CDH12: variants seen among roughly 807,000 people sequenced by gnomAD.
CDH12 encodes the protein cadherin-12.
Under a neutral mutation model 74.1 loss-of-function variants are expected in CDH12, and 41 were observed. The ratio of observed to expected loss-of-function variants is 0.55; its 90% CI spans 0.43 to 0.72. The LOEUF is 0.72. Ranked by LOEUF, CDH12 falls within the 30% of genes least tolerant of loss-of-function variation. The pLI is 0.00. For synonymous variants in CDH12, 399 were observed against 355.0 expected (o/e 1.12, Z -1.39); for missense variants, 945 against 977.2 (o/e 0.97, Z 0.44).
At chr5:22,671,600 G>T (rs146384059) in intron 1 of CDH12, among the ~76,000 whole-genome samples, 2,235 of 152,120 alleles carry the variant, frequency 0.015, 33 homozygotes, top group Admixed American at 0.032. Context: ...GAACAAAATT[G>T]CTGGAACAAG....
chr5:21,920,266 T>C (rs1754290160), intron 6 of CDH12, among the ~76,000 whole-genome samples: 1 of 152,156 alleles, frequency 6.6e-6, no homozygotes, highest in Admixed American at 6.5e-5. Flanking sequence ...AGCAGACATG[T>C]AATGTAAAAC....
chr5:21,911,044 T>C (rs1158716348), intron 6 of CDH12, among the ~76,000 whole-genome samples: 4 of 152,176 alleles, frequency 2.6e-5, no homozygotes, highest in African/African-American at 9.7e-5. Flanking sequence ...AGAAATTATT[T>C]TGCAAAGTTA....
intron 4 of CDH12, chr5:22,142,272 T>C: frequency 4.4e-6 from 1 of 227,966 alleles, no homozygotes; most frequent in East Asian, 1.3e-4. Flanking sequence ...GCATTCAGGA[T>C]TACAGTATAG....
At position 21,765,385 on chromosome 5, in the gene CDH12, C is replaced by A. The variant is rs1460675278; in HGVS notation, c.1394-286G>T. On this transcript the variant is annotated intron_variant, in intron 11 of 14. Coordinates refer to ENST00000382254, the MANE Select transcript of CDH12 (RefSeq NM_004061.5). ...TCATACCAGGGTTAGTTCACAGAAC[C>A]AATCCTTACCAACAGTGATATTTTT... is the stretch of plus-strand genomic sequence containing the variant. Among the ~76,000 whole-genome samples the A allele has an allele frequency of 2.6e-5, 4 of 151,944 alleles. No homozygotes were observed. In the East Asian group the frequency reaches 7.7e-4, roughly 29 times the overall value.
intron 2 of CDH12, among the ~76,000 whole-genome samples, chr5:22,437,964 AGCCTTG>A (rs896552538): frequency 6.6e-6 from 1 of 152,058 alleles, no homozygotes; most frequent in African/African-American, 2.4e-5. Flanking sequence ...TATTCAATAG[AGCCTTG>A]TTTGGGATTA....
rs528491376 is a variant in CDH12 at position 22,023,895 on chromosome 5, A to C, written c.232-48510T>G. On this transcript the variant is annotated intron_variant, in intron 5 of 14. Coordinates refer to ENST00000382254, the MANE Select transcript of CDH12 (RefSeq NM_004061.5). The stretch of plus-strand genomic sequence containing the variant: ...TCCTCCCTCTTAACACAGTTATGTC[A>C]TGTCACTGATGCAGGGGACAGAAGA... 2.6e-5 allele frequency among the ~76,000 whole-genome samples: 4 copies of C among 152,238 alleles called. No individual in the cohort carries two copies. The East Asian group carries it at 7.8e-4, about 30-fold the overall frequency.
intron 5 of CDH12, among the ~76,000 whole-genome samples, chr5:22,041,723 T>A (rs1739583017): frequency 6.6e-6 from 1 of 152,146 alleles, no homozygotes; most frequent in African/African-American, 2.4e-5. Context: ...AGGCCTTCAA[T>A]ACTCCACTTT....
chr5:21,995,370 T>C (rs1465900559), intron 5 of CDH12, among the ~76,000 whole-genome samples: 1 of 151,852 alleles, frequency 6.6e-6, no homozygotes, highest in Non-Finnish European at 1.5e-5. Context: ...ACGTGGTGTG[T>C]ACTTCCTACT....
At position 22,604,256 on chromosome 5, in the gene CDH12, G is replaced by A. The variant is rs538852323; in HGVS notation, c.-522-98892C>T. Reference sequence around the variant, plus strand: ...TATTTCTGGGGGGTGGGGTATTGAGGCATATGCTATTTATTGGGTTCTCCC... The same window carrying A: ...TATTTCTGGGGGGTGGGGTATTGAGACATATGCTATTTATTGGGTTCTCCC... On this transcript the variant is annotated intron_variant, in intron 1 of 14. Coordinates refer to ENST00000382254, the MANE Select transcript of CDH12 (RefSeq NM_004061.5). 3.9e-5 allele frequency among the ~76,000 whole-genome samples: 6 copies of A among 152,262 alleles called. No homozygotes were observed. The South Asian group carries it at 8.3e-4, about 21-fold the overall frequency.
In CDH12 at chr5:22,473,896, C is replaced by G. The variant is rs148382666; in HGVS notation, c.-428+31374G>C. On this transcript the variant is annotated intron_variant, in intron 2 of 14. Transcript: ENST00000382254. ...TCAAAAAGTTGGGTTGAAATTCAAT[C>G]TGAGTATAGAATAAAACCCTCTAAA... Among the ~76,000 whole-genome samples the G allele has an allele frequency of 4.5e-3, 690 of 152,162 alleles. 11 individuals carry two copies. Among genetic ancestry groups the G allele is most frequent in the African/African-American group, 0.016 (668 of 41,524 alleles).
intron 5 of CDH12, among the ~76,000 whole-genome samples, chr5:22,040,770 TCAC>T (rs1739521814): frequency 6.6e-6 from 1 of 152,130 alleles, no homozygotes; most frequent in Non-Finnish European, 1.5e-5. Context: ...AGGGAATTCA[TCAC>T]CACTAGACCA....
chr5:22,057,838 T>A (rs1384271120), intron 5 of CDH12, among the ~76,000 whole-genome samples: 5 of 152,178 alleles, frequency 3.3e-5, no homozygotes. Flanking sequence ...CAGCTAAATA[T>A]GTCACTGGCA....
chr5:22,368,653 T>C (rs1286220427), intron 3 of CDH12, among the ~76,000 whole-genome samples: 1 of 152,150 alleles, frequency 6.6e-6, no homozygotes. Context: ...CCTTAACATA[T>C]ATCTATAGTA....
intron 6 of CDH12, among the ~76,000 whole-genome samples, chr5:21,899,291 A>G (rs984455520): frequency 1.5e-4 from 23 of 152,214 alleles, no homozygotes; most frequent in African/African-American, 5.3e-4. Context: ...TCCTGGTTTT[A>G]TAGATCTCTT....
At chr5:21,874,200 T>C (rs1003097486) in intron 6 of CDH12, among the ~76,000 whole-genome samples, 1 of 152,188 alleles carries the variant, frequency 6.6e-6, no homozygotes, top group African/African-American at 2.4e-5. Flanking sequence ...CATTAAAAAG[T>C]GGTCAAAGGA....
intron 5 of CDH12, among the ~76,000 whole-genome samples, chr5:21,981,515 GT>G (rs1404699495): frequency 2.0e-5 from 3 of 151,852 alleles, no homozygotes; most frequent in Non-Finnish European, 4.4e-5. Context: ...GTTTACAGTT[GT>G]TTTTTTGACA....
intron 6 of CDH12, among the ~76,000 whole-genome samples, chr5:21,899,517 C>G (rs569163223): frequency 6.6e-6 from 1 of 152,178 alleles, no homozygotes; most frequent in East Asian, 1.9e-4. Context: ...AGGCTGTGGG[C>G]TCTTTAGGAG....
chr5:22,365,354 G>A (rs1343417630), intron 3 of CDH12, among the ~76,000 whole-genome samples: 2 of 152,016 alleles, frequency 1.3e-5, no homozygotes, highest in African/African-American at 4.8e-5. Context: ...TTTCAATAAC[G>A]CACTTGGTTT....
intron 2 of CDH12, among the ~76,000 whole-genome samples, chr5:22,474,697 G>A (rs1019058004): frequency 3.3e-5 from 5 of 152,038 alleles, no homozygotes; most frequent in African/African-American, 1.2e-4. Context: ...AATACATCAG[G>A]TTATTAATGG....
Sources: gnomAD v4.1 joint callset for allele counts (sites outside exome capture counted in the v4.1 genomes callset) on GRCh38, gnomAD v4.1.1 for gene constraint, MANE v1.5 for transcripts, NCBI Gene and HGNC (gene_info 2026-07-23, HGNC 2026-07-21) for gene names.